Variants in CLASP1 observed in about 807,000 individuals in gnomAD.
CLASP1 encodes the protein CLIP-associating protein 1.
Under a neutral mutation model 192.3 loss-of-function variants are expected in CLASP1, and 38 were observed. The ratio of observed to expected loss-of-function variants is 0.20; its 90% CI spans 0.15 to 0.26. CLASP1 has a LOEUF of 0.26. Ranked by LOEUF, CLASP1 falls within the 10% of genes least tolerant of loss-of-function variation. CLASP1 has a pLI of 1.00. For missense variants in CLASP1, 1,433 were observed against 1,932.5 expected, an observed-to-expected ratio of 0.74 and a Z score of 4.85; for synonymous variants, 691 against 712.8, an observed-to-expected ratio of 0.97 and a Z score of 0.49.
chr2:121,411,045 C>G (rs552566548), intron 23 of CLASP1, 76 bp from the exon 25 acceptor site: 1 of 887,998 alleles, frequency 1.1e-6, no homozygotes, highest in East Asian at 2.7e-5. Context: ...ACTACTGCCT[C>G]TTCCCACCAA....
intron 8 of CLASP1, among the ~76,000 whole-genome samples, chr2:121,474,362 G>T (rs1297815420): frequency 6.6e-6 from 1 of 152,274 alleles, no homozygotes; most frequent in Non-Finnish European, 1.5e-5. Flanking sequence ...GCCTGAAGAT[G>T]TCACACAATA....
At chr2:121,412,921 G>A (rs2077962562) in intron 23 of CLASP1, among the ~76,000 whole-genome samples, 1 of 152,136 alleles carries the variant, frequency 6.6e-6, no homozygotes, top group Admixed American at 6.5e-5. Context: ...CTATGACTGT[G>A]CTCTCAGTCT....
intron 19 of CLASP1, among the ~76,000 whole-genome samples, chr2:121,433,730 T>C (rs1176637753): frequency 1.3e-5 from 2 of 152,226 alleles, no homozygotes; most frequent in African/African-American, 4.8e-5. Flanking sequence ...CACTCCAGCC[T>C]AGGCGACAAA....
At chr2:121,433,830 T>C (rs560936380) in intron 19 of CLASP1, among the ~76,000 whole-genome samples, 1 of 152,322 alleles carries the variant, frequency 6.6e-6, no homozygotes, top group African/African-American at 2.4e-5. Context: ...TACACAATGT[T>C]TGTAGGTACT....
intron 19 of CLASP1, among the ~76,000 whole-genome samples, chr2:121,446,650 C>T (rs550414117): frequency 6.6e-6 from 1 of 152,292 alleles, no homozygotes; most frequent in South Asian, 2.1e-4. Flanking sequence ...ACACACAGTA[C>T]GTGTTAAGCA....
At chr2:121,537,713 A>G (rs151229272) in intron 2 of CLASP1, among the ~76,000 whole-genome samples, 1 of 152,348 alleles carries the variant, frequency 6.6e-6, no homozygotes, top group Non-Finnish European at 1.5e-5. Context: ...ACAAAAACTA[A>G]AAGAACTTTT....
chr2:121,418,575 A>C (rs1411999769), intron 23 of CLASP1, 47 bp downstream of exon 23: 2 of 1,313,132 alleles, frequency 1.5e-6, no homozygotes, highest in East Asian at 2.3e-5. Context: ...TCGGACAAGC[A>C]GGGAAAGGAA....
chr2:121,589,725 T>G (rs1441682326), intron 2 of CLASP1, among the ~76,000 whole-genome samples: 1 of 152,004 alleles, frequency 6.6e-6, no homozygotes, highest in Non-Finnish European at 1.5e-5. Context: ...TATTAGGTTA[T>G]AGTAGGTGTG....
At chr2:121,384,003 TATATAC>T (rs1181000260) in intron 32 of CLASP1, among the ~76,000 whole-genome samples, 5 of 138,216 alleles carry the variant, frequency 3.6e-5, no homozygotes, top group African/African-American at 1.4e-4. Context: ...TATATATATA[TATATAC>T]ACACACACAC....
At chr2:121,527,973 C>G (rs2094618890) in intron 4 of CLASP1, 83 bp from the exon 5 acceptor site, 1 of 1,098,224 alleles carries the variant, frequency 9.1e-7, no homozygotes, top group East Asian at 2.4e-5. Flanking sequence ...AGGCAAGCCT[C>G]TTAACGAGCG....
At position 121,499,120 on chromosome 2, in the gene CLASP1, C is replaced by T. The variant is rs1392813809; in HGVS notation, c.712+4047G>A. On this transcript the variant is annotated intron_variant, in intron 8 of 39. Coordinates refer to ENST00000263710, the Ensembl canonical transcript of CLASP1. ...ATACATATCCACATGAAATCTTTTA[C>T]ATCAATGTTCAAAGAATCATTCTTC... 6.6e-5 allele frequency among the ~76,000 whole-genome samples: 10 copies of T among 152,206 alleles called. No individual in the cohort carries two copies. The South Asian group carries it at 1.4e-3, about 22-fold the overall frequency.
At chr2:121,445,487 T>C (rs1485090934) in intron 19 of CLASP1, 2 of 1,289,348 alleles carry the variant, frequency 1.6e-6, no homozygotes, top group South Asian at 2.5e-5. Flanking sequence ...TTCCCTCATG[T>C]GTCTGGACTC....
chr2:121,551,343 C>T (rs759439023), intron 2 of CLASP1, among the ~76,000 whole-genome samples: 4 of 152,156 alleles, frequency 2.6e-5, no homozygotes, highest in Admixed American at 6.5e-5. Flanking sequence ...ATTGGAAGGT[C>T]TAGCTAGAGC....
chr2:121,446,190 A>C (rs2084312996), intron 19 of CLASP1, among the ~76,000 whole-genome samples: 1 of 152,242 alleles, frequency 6.6e-6, no homozygotes. Context: ...CATATCTTTC[A>C]AATTAATAAT....
chr2:121,415,787 C>T (rs1357880446), intron 23 of CLASP1, among the ~76,000 whole-genome samples: 2 of 152,174 alleles, frequency 1.3e-5, no homozygotes, highest in Non-Finnish European at 2.9e-5. Context: ...AACGCTCTCA[C>T]ATTCAGTCAT....
At chr2:121,528,131 C>T (rs1441376850) in intron 4 of CLASP1, among the ~76,000 whole-genome samples, 1 of 152,074 alleles carries the variant, frequency 6.6e-6, no homozygotes, top group Non-Finnish European at 1.5e-5. Flanking sequence ...TCCCAAGAAC[C>T]CTGAAAGAGA....
At chr2:121,581,285 T>TTTTTA (rs2061124126) in intron 2 of CLASP1, among the ~76,000 whole-genome samples, 1 of 86,502 alleles carries the variant, frequency 1.2e-5, no homozygotes, top group East Asian at 3.3e-4. Context: ...TTTTTTTTTT[T>TTTTTA]GAGATGGAGT....
At chr2:121,528,697 C>G (rs2094650789) in exon 4 of CLASP1, 1 of 1,613,900 alleles carries the variant, frequency 6.2e-7, no homozygotes, top group South Asian at 1.1e-5. Context: ...GCAGCTTGAT[C>G]CATGATCTTT....
rs76989787 is a variant in CLASP1, at chr2:121,607,913, A to G, written c.-285-1733T>C. Among the ~76,000 whole-genome samples the G allele has an allele frequency of 2.3e-3, 345 of 152,316 alleles. 4 individuals are homozygous for G. In the East Asian group the frequency reaches 0.025, roughly 11 times the overall value. On this transcript the variant is annotated intron_variant, in intron 1 of 39. Transcript: ENST00000263710. ...TATACATCAAGTCATTCAATGAGGA[A>G]AACCCTCCTTCAAAGCCCCAGCACA...
Sources: gnomAD v4.1 joint callset for allele counts (sites outside exome capture counted in the v4.1 genomes callset) on GRCh38, gnomAD v4.1.1 for gene constraint, MANE v1.5 for transcripts, NCBI Gene and HGNC (gene_info 2026-07-23, HGNC 2026-07-21) for gene names.